TMEM132B: variants seen among roughly 807,000 people sequenced by gnomAD.
TMEM132B encodes transmembrane protein 132B.
Under a neutral mutation model 90.8 loss-of-function variants are expected in TMEM132B, and 18 were observed. The ratio of observed to expected loss-of-function variants is 0.20; its 90% CI spans 0.14 to 0.29. TMEM132B has a LOEUF of 0.29. TMEM132B is among the 10% of genes least tolerant of loss of function. The pLI is 1.00. For synonymous variants in TMEM132B, 504 were observed against 523.3 expected, an observed-to-expected ratio of 0.96 and a Z score of 0.50; for missense variants, 1,096 against 1,326.8, an observed-to-expected ratio of 0.83 and a Z score of 2.70.
intron 3 of TMEM132B, among the ~76,000 whole-genome samples, chr12:125,426,700 G>A (rs775502294): frequency 6.6e-6 from 1 of 152,210 alleles, no homozygotes; most frequent in Non-Finnish European, 1.5e-5. Flanking sequence ...TGCTAGTCTA[G>A]TCTTCTTAAA....
At chr12:125,316,884 A>G (rs377724) in intron 1 of TMEM132B, among the ~76,000 whole-genome samples, 112,023 of 152,120 alleles carry the variant, frequency 0.74, 42,270 homozygotes, top group African/African-American at 0.89. Flanking sequence ...GGAGCAGGGC[A>G]GGAGGCCTGA....
chr12:125,337,331 T>C (rs538001648), intron 1 of TMEM132B, among the ~76,000 whole-genome samples: 2 of 152,282 alleles, frequency 1.3e-5, no homozygotes, highest in Admixed American at 1.3e-4. Context: ...TGCTTCCTGC[T>C]CACATCTAGT....
chr12:125,415,817 C>A lies in TMEM132B; in HGVS notation c.1106+140C>A. On this transcript the variant is annotated intron_variant, in intron 3 of 8. Coordinates refer to ENST00000682704, the MANE Select transcript of TMEM132B (RefSeq NM_001366854.1). This position sits in a 1 kb window ranked among gnomAD's most constrained non-coding sequence, Gnocchi z 5.3. ...AAATGATTTTTGAGGTCGGCAGTCTCAAAAATCACCAGAGTTCACATTTAT... is the reference window on the plus strand; with the variant it reads ...AAATGATTTTTGAGGTCGGCAGTCTAAAAAATCACCAGAGTTCACATTTAT... 1 of 1,154,966 alleles carries A rather than the reference C, an allele frequency of 8.7e-7. No homozygotes were observed. Among genetic ancestry groups the A allele is most frequent in the Non-Finnish European group, 1.2e-6 (1 of 865,910 alleles). 71.5% of individuals were successfully genotyped at this position (1,154,966 alleles called of 1,614,324 possible). A position where few individuals can be genotyped will look rare whatever the true frequency, so the allele number is the denominator to read the frequency against.
At chr12:125,282,447 C>T (rs1875221702) in intron 1 of TMEM132B, among the ~76,000 whole-genome samples, 1 of 152,162 alleles carries the variant, frequency 6.6e-6, no homozygotes, top group Admixed American at 6.5e-5. Flanking sequence ...CAAAGGATGC[C>T]ATCTGTTTCT....
chr12:125,398,401 C>T (rs1194505787), intron 2 of TMEM132B, among the ~76,000 whole-genome samples: 1 of 152,204 alleles, frequency 6.6e-6, no homozygotes, highest in African/African-American at 2.4e-5. Context: ...AAACAGTTGA[C>T]ATAGATACAG....
chr12:125,218,372 A>G (rs1361938186), intron 1 of TMEM132B, among the ~76,000 whole-genome samples: 1 of 152,044 alleles, frequency 6.6e-6, no homozygotes, highest in Non-Finnish European at 1.5e-5. Context: ...CTATTTTAGT[A>G]TTTTCCATAG....
At chr12:125,192,073 C>T (rs1239323960) in intron 1 of TMEM132B, among the ~76,000 whole-genome samples, 1 of 152,214 alleles carries the variant, frequency 6.6e-6, no homozygotes, top group African/African-American at 2.4e-5. Context: ...GAATCATGTA[C>T]CTCAGAATTA....
intron 4 of TMEM132B, among the ~76,000 whole-genome samples, chr12:125,578,884 G>A (rs550950074): frequency 2.0e-5 from 3 of 152,030 alleles, no homozygotes; most frequent in South Asian, 2.1e-4. Flanking sequence ...TGGTATTTTG[G>A]TATTTGACAG....
chr12:125,192,956 G>A (rs1303829461), intron 1 of TMEM132B, among the ~76,000 whole-genome samples: 2 of 152,192 alleles, frequency 1.3e-5, no homozygotes, highest in African/African-American at 4.8e-5. Context: ...ACAAGGCTGG[G>A]TGGTTCAGCA....
At chr12:125,207,271 C>T (rs1593041460) in intron 1 of TMEM132B, among the ~76,000 whole-genome samples, 1 of 152,220 alleles carries the variant, frequency 6.6e-6, no homozygotes, top group African/African-American at 2.4e-5. Flanking sequence ...GTGGAGGCTG[C>T]TCCCTTTAGA....
chr12:125,401,203 G>A (rs1879311605), intron 2 of TMEM132B, among the ~76,000 whole-genome samples: 1 of 152,166 alleles, frequency 6.6e-6, no homozygotes, highest in Non-Finnish European at 1.5e-5. Context: ...TGACACCTTA[G>A]ATAAAGACCC....
At chr12:125,354,515 C>T (rs1322061167) in intron 2 of TMEM132B, among the ~76,000 whole-genome samples, 1 of 152,230 alleles carries the variant, frequency 6.6e-6, no homozygotes, top group African/African-American at 2.4e-5. Context: ...AGATATGTCA[C>T]CCATCTGGCT....
intron 1 of TMEM132B, among the ~76,000 whole-genome samples, chr12:125,194,105 C>T (rs1872866943): frequency 6.6e-6 from 1 of 152,238 alleles, no homozygotes; most frequent in Non-Finnish European, 1.5e-5. Flanking sequence ...TCCTGTCTCC[C>T]TTTCCTGACA....
chr12:125,447,198 T>C (rs1881027576), intron 3 of TMEM132B, among the ~76,000 whole-genome samples: 1 of 152,214 alleles, frequency 6.6e-6, no homozygotes, highest in Non-Finnish European at 1.5e-5. Flanking sequence ...ACACTTAATG[T>C]GAAGACTAAT....
At chr12:125,550,570 A>T (rs1479598152) in intron 4 of TMEM132B, among the ~76,000 whole-genome samples, 2 of 152,138 alleles carry the variant, frequency 1.3e-5, no homozygotes, top group Non-Finnish European at 2.9e-5. Context: ...CCCATTACCA[A>T]TTCATATTTT....
intron 2 of TMEM132B, among the ~76,000 whole-genome samples, chr12:125,360,716 C>A (rs1877931882): frequency 6.6e-6 from 1 of 151,712 alleles, no homozygotes; most frequent in Non-Finnish European, 1.5e-5. Context: ...TCAGGGCAGG[C>A]CTCCTGGAGG....
intron 5 of TMEM132B, among the ~76,000 whole-genome samples, chr12:125,599,308 C>T (rs1885516888): frequency 6.6e-6 from 1 of 151,516 alleles, no homozygotes; most frequent in African/African-American, 2.4e-5. Context: ...GTGAGGCCTC[C>T]CCAGACATGT....
chr12:125,395,443 A>G (rs907171005), intron 2 of TMEM132B, among the ~76,000 whole-genome samples: 1 of 152,230 alleles, frequency 6.6e-6, no homozygotes, highest in Admixed American at 6.5e-5. Context: ...AGTGATGGAT[A>G]TGACAACAGA....
intron 5 of TMEM132B, among the ~76,000 whole-genome samples, chr12:125,617,967 A>C (rs1256693390): frequency 7.1e-6 from 1 of 141,760 alleles, no homozygotes; most frequent in East Asian, 2.1e-4. Context: ...AAAAAAAAAA[A>C]CTCCATTATT....
Sources: allele counts gnomAD v4.1 joint callset (sites outside exome capture counted in the v4.1 genomes callset), GRCh38; gene constraint gnomAD v4.1.1; non-coding constraint Gnocchi (gnomAD v3.1); transcripts MANE v1.5; gene names NCBI Gene and HGNC (gene_info 2026-07-23, HGNC 2026-07-21).